The following FRMD5 variants were observed in gnomAD, a reference collection of about 807,000 sequenced individuals.
FRMD5 encodes FERM domain containing 5, also known as FERM domain-containing protein 5.
A neutral mutation model predicts 69.0 loss-of-function variants in FRMD5; 20 were observed. That is an observed-to-expected ratio of 0.29 (90% CI 0.20 to 0.42). The LOEUF (loss-of-function observed/expected upper bound fraction) is 0.42, where lower values mean the gene tolerates loss of function less well. FRMD5 is among the 10% of genes least tolerant of loss of function. FRMD5 has a pLI of 1.00. For missense variants in FRMD5, 595 were observed against 708.6 expected, an observed-to-expected ratio of 0.84 and a Z score of 1.82; for synonymous variants, 271 against 260.1, an observed-to-expected ratio of 1.04 and a Z score of -0.40.
chr15:43,974,134 G>C (rs1309680336), intron 1 of FRMD5, among the ~76,000 whole-genome samples: 1 of 151,938 alleles, frequency 6.6e-6, no homozygotes, highest in Admixed American at 6.6e-5. Flanking sequence ...GTTGGAATCA[G>C]CAGTAGGGTG....
chr15:43,967,364 C>T (rs1226642081), intron 1 of FRMD5, among the ~76,000 whole-genome samples: 2 of 151,992 alleles, frequency 1.3e-5, no homozygotes, highest in Non-Finnish European at 2.9e-5. Context: ...TCCGGAGTAG[C>T]TGGGACTATA....
chr15:43,874,600 T>C, intron 13 of FRMD5, 138 bp from the exon 14 acceptor site: 1 of 660,234 alleles, frequency 1.5e-6, no homozygotes, highest in East Asian at 2.7e-5. Context: ...TCTATTTTGA[T>C]ATATCGAGAA....
chr15:44,178,772 C>A (rs1202383732), intron 1 of FRMD5, among the ~76,000 whole-genome samples: 2 of 152,132 alleles, frequency 1.3e-5, no homozygotes, highest in African/African-American at 2.4e-5. Context: ...GCGGGTGGAT[C>A]ACCTGAGACC....
rs766417955 is a variant in FRMD5, at chr15:43,902,218, GCTTTT to G, written c.591_595del (p.Arg197SerfsTer15). 6.2e-7 allele frequency: 1 copy of G among 1,614,124 alleles called. No homozygotes were observed. ...CACTCCATATGTTTCCAATGTCTGTGCTTTTCTTAAGAAGTTCAGCTCTGATGTTG... is the reference window on the plus strand; with the variant it reads ...CACTCCATATGTTTCCAATGTCTGTGCTTAAGAAGTTCAGCTCTGATGTTG... On this transcript the variant is annotated frameshift_variant, in exon 7 of 14. Transcript: ENST00000417257. LOFTEE classifies it high-confidence loss of function.
chr15:44,041,290 C>T (rs148227326), intron 1 of FRMD5, among the ~76,000 whole-genome samples: 1,943 of 152,188 alleles, frequency 0.013, 52 homozygotes, highest in African/African-American at 0.045. Context: ...GAGAGATCAA[C>T]GAGACAGAAA....
intron 1 of FRMD5, among the ~76,000 whole-genome samples, chr15:44,050,234 C>G (rs566682436): frequency 6.6e-6 from 1 of 151,284 alleles, no homozygotes; most frequent in Non-Finnish European, 1.5e-5. Flanking sequence ...AAGCAGTGTG[C>G]AAAAAAAGAG....
intron 1 of FRMD5, among the ~76,000 whole-genome samples, chr15:44,164,271 A>G (rs368400349): frequency 6.6e-6 from 1 of 152,200 alleles, no homozygotes; most frequent in East Asian, 1.9e-4. Flanking sequence ...CTAATAGTGT[A>G]CTATTTTTGT....
chr15:43,873,896 T>G lies in FRMD5; in HGVS notation c.1702A>C (p.Ile568Leu), dbSNP rs375941965. The part of the protein sequence containing the change: ...CKIRSVVSLL[I>L]DT ...GGAGTCATGCCTTCTCAGGTGTCAATGAGCAGGCTCACCACTGAGCGGATT... is the reference window on the plus strand; with the variant it reads ...GGAGTCATGCCTTCTCAGGTGTCAAGGAGCAGGCTCACCACTGAGCGGATT... The change falls in exon 14 of 14, where the codon ATT becomes CTT. Residue 568 changes from isoleucine (I) to leucine (L), a missense_variant. Coordinates refer to ENST00000417257, the MANE Select transcript of FRMD5 (RefSeq NM_032892.5). 18 of 1,613,880 alleles carry G rather than the reference T, an allele frequency of 1.1e-5. No homozygotes were observed. Among genetic ancestry groups the G allele is most frequent in the Non-Finnish European group, 1.4e-5 (17 of 1,179,832 alleles).
chr15:43,955,468 G>A (rs139516617), intron 1 of FRMD5, among the ~76,000 whole-genome samples: 3 of 152,290 alleles, frequency 2.0e-5, no homozygotes, highest in East Asian at 1.9e-4. Flanking sequence ...GCCAATGAAG[G>A]CCCAGTTATC....
chr15:43,872,892 A>T lies in FRMD5; in HGVS notation c.*993T>A, dbSNP rs966393978. ...CATTTCGTTGTTAAAATATAAATTG[A>T]AATAGTCTTTGGGTCAAGGGGGTGT... On this transcript the variant is annotated 3_prime_UTR_variant, in exon 14 of 14. Coordinates refer to ENST00000417257, the MANE Select transcript of FRMD5 (RefSeq NM_032892.5). 9 of 368,922 alleles carry T rather than the reference A, an allele frequency of 2.4e-5. No individual in the cohort carries two copies. The allele number at this position is 368,922 out of a possible 1,614,324, so 22.9% of individuals were successfully genotyped here. A position where few individuals can be genotyped will look rare whatever the true frequency, so the allele number is the denominator to read the frequency against.
At chr15:43,941,636 TG>T (rs2089865403) in intron 1 of FRMD5, among the ~76,000 whole-genome samples, 1 of 152,200 alleles carries the variant, frequency 6.6e-6, no homozygotes, top group African/African-American at 2.4e-5. Flanking sequence ...AAATAAATCT[TG>T]ACAGCATAAA....
At chr15:44,060,850 G>A (rs1011049501) in intron 1 of FRMD5, among the ~76,000 whole-genome samples, 1 of 152,190 alleles carries the variant, frequency 6.6e-6, no homozygotes, top group Non-Finnish European at 1.5e-5. Flanking sequence ...CTCTAAGAGA[G>A]GAACTGAGAC....
intron 1 of FRMD5, among the ~76,000 whole-genome samples, chr15:44,142,808 G>A (rs146996593): frequency 6.6e-5 from 10 of 152,284 alleles, no homozygotes; most frequent in African/African-American, 2.2e-4. Context: ...AGTAAACGTA[G>A]GCCGGGCCGC....
At chr15:44,128,850 A>G (rs1473034008) in intron 1 of FRMD5, among the ~76,000 whole-genome samples, 2 of 150,958 alleles carry the variant, frequency 1.3e-5, no homozygotes, top group Non-Finnish European at 3.0e-5. Flanking sequence ...AAAGAAAAAG[A>G]AAAAAAAACA....
At chr15:44,003,399 A>G (rs936951587) in intron 1 of FRMD5, among the ~76,000 whole-genome samples, 17 of 152,266 alleles carry the variant, frequency 1.1e-4, no homozygotes, top group African/African-American at 4.1e-4. Context: ...ACTCCTCTTA[A>G]CATTCCAATG....
chr15:44,192,099 C>T (rs1277285186), intron 1 of FRMD5, among the ~76,000 whole-genome samples: 1 of 151,866 alleles, frequency 6.6e-6, no homozygotes, highest in African/African-American at 2.4e-5. Flanking sequence ...TTTCATTTCT[C>T]ATGGTCTACA....
At chr15:43,875,816 T>TTTTTTTTTC in intron 13 of FRMD5, 1 of 376,162 alleles carries the variant, frequency 2.7e-6, no homozygotes, top group East Asian at 4.7e-5. Context: ...TTTTTTTTTT[T>TTTTTTTTTC]TTTTTTTTTT....
intron 1 of FRMD5, among the ~76,000 whole-genome samples, chr15:44,171,406 T>C (rs1219829446): frequency 6.6e-6 from 1 of 152,244 alleles, no homozygotes; most frequent in Non-Finnish European, 1.5e-5. Flanking sequence ...CTACTGAGTA[T>C]TCAACACTAC....
At chr15:43,883,334 G>C (rs1043042955) in intron 13 of FRMD5, among the ~76,000 whole-genome samples, 8 of 152,110 alleles carry the variant, frequency 5.3e-5, no homozygotes, top group Non-Finnish European at 1.0e-4. Context: ...CTGACCTCAA[G>C]TGATCCACCC....
Sources: allele counts gnomAD v4.1 joint callset (sites outside exome capture counted in the v4.1 genomes callset), GRCh38; gene constraint gnomAD v4.1.1; transcripts MANE v1.5; gene names NCBI Gene and HGNC (gene_info 2026-07-23, HGNC 2026-07-21).